Variants in FMNL2 observed in about 807,000 individuals in gnomAD.
FMNL2 encodes formin-like protein 2.
FMNL2 carries 51 observed loss-of-function variants against 130.2 expected under a neutral mutation model. The ratio of observed to expected loss-of-function variants is 0.39; its 90% CI spans 0.31 to 0.49. The LOEUF is 0.49. FMNL2 is among the 20% of genes least tolerant of loss of function. The pLI, the probability that FMNL2 is intolerant of heterozygous loss-of-function variation, is 0.85. For missense variants in FMNL2, 977 were observed against 1,316.2 expected, an observed-to-expected ratio of 0.74 and a Z score of 3.99; for synonymous variants, 465 against 467.1, an observed-to-expected ratio of 1.00 and a Z score of 0.06.
chr2:152,619,241 G>C, intron 14 of FMNL2, 83 bp downstream of exon 14: 1 of 1,448,476 alleles, frequency 6.9e-7, no homozygotes, highest in South Asian at 1.5e-5. Context: ...TCTGTCCTTT[G>C]TCCGTTTTTG....
At chr2:152,605,466 G>A (rs971693803) in intron 9 of FMNL2, among the ~76,000 whole-genome samples, 2 of 152,038 alleles carry the variant, frequency 1.3e-5, no homozygotes, top group Non-Finnish European at 2.9e-5. Context: ...CTACAGGTGC[G>A]TGCCACTGCA....
chr2:152,640,151 C>A, intron 24 of FMNL2, 95 bp downstream of exon 24: 1 of 1,069,336 alleles, frequency 9.4e-7, no homozygotes, highest in Non-Finnish European at 1.3e-6. Flanking sequence ...GCCAGGTGTG[C>A]CCAGGATCCT....
In FMNL2 at chr2:152,636,883, G is replaced by A. The variant is rs113737170; in HGVS notation, c.2844+293G>A. Among the ~76,000 whole-genome samples the A allele has an allele frequency of 6.6e-3, 999 of 152,100 alleles. 11 individuals carry two copies. Among genetic ancestry groups the A allele is most frequent in the African/African-American group, 0.023 (941 of 41,460 alleles). On this transcript the variant is annotated intron_variant, in intron 22 of 25. Transcript: ENST00000288670. ...GCTGTATTCAGTTCAGCCCACATGC[G>A]TCAGGCCTGTGCTCGGCAAAGCAGT... is the stretch of plus-strand genomic sequence containing the variant.
At chr2:152,466,220 C>T (rs879817229) in intron 1 of FMNL2, among the ~76,000 whole-genome samples, 7 of 152,146 alleles carry the variant, frequency 4.6e-5, no homozygotes, top group African/African-American at 7.2e-5. Context: ...CGCCTCCATC[C>T]GGACACCACG....
At chr2:152,580,894 A>C in intron 8 of FMNL2, 62 bp from the exon 9 acceptor site, 1 of 1,454,496 alleles carries the variant, frequency 6.9e-7, no homozygotes, top group South Asian at 1.2e-5. Flanking sequence ...TGGAAGGAAG[A>C]AACAGCTGAC....
intron 1 of FMNL2, among the ~76,000 whole-genome samples, chr2:152,368,528 A>G (rs1683696602): frequency 6.6e-6 from 1 of 152,128 alleles, no homozygotes; most frequent in Admixed American, 6.5e-5. Context: ...TTCAAACCCA[A>G]AAAGTACCTC....
At chr2:152,345,282 A>G (rs897461743) in intron 1 of FMNL2, among the ~76,000 whole-genome samples, 9 of 152,204 alleles carry the variant, frequency 5.9e-5, no homozygotes, top group Non-Finnish European at 1.3e-4. Context: ...AAAGAAGATG[A>G]CAATTTTACA....
At chr2:152,409,853 A>G (rs1050195282) in intron 1 of FMNL2, among the ~76,000 whole-genome samples, 4 of 152,218 alleles carry the variant, frequency 2.6e-5, no homozygotes, top group Non-Finnish European at 4.4e-5. Flanking sequence ...ATTTGTAACC[A>G]TGATGCAATA....
At chr2:152,590,006 TATAC>T (rs1697334489) in intron 9 of FMNL2, among the ~76,000 whole-genome samples, 1 of 140,296 alleles carries the variant, frequency 7.1e-6, no homozygotes, top group African/African-American at 2.7e-5. Context: ...TGTATATATA[TATAC>T]ATATACATAT....
At chr2:152,517,173 C>T (rs1692819998) in intron 1 of FMNL2, among the ~76,000 whole-genome samples, 1 of 134,434 alleles carries the variant, frequency 7.4e-6, no homozygotes, top group East Asian at 2.7e-4. Flanking sequence ...GATTTTTTTC[C>T]CCCGTGAGTT....
intron 1 of FMNL2, among the ~76,000 whole-genome samples, chr2:152,380,831 C>T (rs16831018): frequency 0.086 from 13,106 of 152,098 alleles, 629 homozygotes; most frequent in African/African-American, 0.12. Flanking sequence ...TCTGTAAGAC[C>T]GTTCTAGTTT....
intron 1 of FMNL2, among the ~76,000 whole-genome samples, chr2:152,423,918 A>G (rs1687043148): frequency 1.3e-5 from 2 of 151,990 alleles, no homozygotes; most frequent in Non-Finnish European, 2.9e-5. Context: ...TCTTTTGCAA[A>G]TGGTTGTATT....
intron 1 of FMNL2, among the ~76,000 whole-genome samples, chr2:152,481,675 A>G (rs945157611): frequency 6.6e-6 from 1 of 152,234 alleles, no homozygotes; most frequent in African/African-American, 2.4e-5. Flanking sequence ...AAACTAAGCA[A>G]TTCAGGTTGA....
rs1476363064 is a variant in FMNL2 at position 152,608,162 on chromosome 2, G to A, written c.951+749G>A. On this transcript the variant is annotated intron_variant, in intron 10 of 25. Coordinates refer to ENST00000288670, the MANE Select transcript of FMNL2 (RefSeq NM_052905.4). ...CTGTAGGCGTTGACCCAATCCAGTT[G>A]CCCTAGGGAAATTCTAGACCCAGGA... 1.3e-5 allele frequency among the ~76,000 whole-genome samples: 2 copies of A among 151,914 alleles called. 1 individual carries two copies. Among genetic ancestry groups the A allele is most frequent in the South Asian group, 4.2e-4 (2 of 4,816 alleles).
chr2:152,521,764 A>T (rs144317405), intron 1 of FMNL2, among the ~76,000 whole-genome samples, 179 bp from the exon 2 acceptor site: 63 of 152,276 alleles, frequency 4.1e-4, no homozygotes, highest in African/African-American at 1.5e-3. Context: ...CCCGCCTCTC[A>T]TCTAACCGAT....
At chr2:152,543,408 T>C (rs368592733) in intron 3 of FMNL2, among the ~76,000 whole-genome samples, 2 of 152,204 alleles carry the variant, frequency 1.3e-5, no homozygotes, top group South Asian at 2.1e-4. Context: ...TGGTAAAGCA[T>C]GTAGCCTGGC....
At chr2:152,625,336 C>A in intron 15 of FMNL2, 102 bp from the exon 16 acceptor site, 1 of 1,395,082 alleles carries the variant, frequency 7.2e-7, no homozygotes, top group Non-Finnish European at 9.6e-7. Context: ...GCCAACCTTC[C>A]TCCAGTGTCA....
intron 6 of FMNL2, among the ~76,000 whole-genome samples, chr2:152,566,542 A>G (rs1695848223): frequency 6.6e-6 from 1 of 152,160 alleles, no homozygotes; most frequent in Non-Finnish European, 1.5e-5. Context: ...AACACTGAAG[A>G]GGCCTCAGCA....
At chr2:152,352,975 TG>T (rs1293957768) in intron 1 of FMNL2, among the ~76,000 whole-genome samples, 1 of 152,174 alleles carries the variant, frequency 6.6e-6, no homozygotes, top group Non-Finnish European at 1.5e-5. Context: ...AAAAAACAAA[TG>T]CCATGTGATC....
Sources: allele counts gnomAD v4.1 joint callset (sites outside exome capture counted in the v4.1 genomes callset), GRCh38; gene constraint gnomAD v4.1.1; transcripts MANE v1.5; gene names NCBI Gene and HGNC (gene_info 2026-07-23, HGNC 2026-07-21).